Variants in MYG1 observed in about 807,000 individuals in gnomAD.
MYG1 encodes the protein MYG1 exonuclease.
Under a neutral mutation model 43.5 loss-of-function variants are expected in MYG1, and 36 were observed. The observed-to-expected ratio is 0.83, with a 90% CI of 0.63 to 1.09. MYG1 has a LOEUF of 1.09. MYG1 is among the 50% of genes least tolerant of loss of function. MYG1 has a pLI of 0.00. For missense variants in MYG1, 529 were observed against 495.1 expected (o/e 1.07, Z -0.65); for synonymous variants, 220 against 202.8 (o/e 1.08, Z -0.72).
chr12:53,304,861 G>GTTTTTTTTT (rs71068106), intron 3 of MYG1, among the ~76,000 whole-genome samples: 1 of 78,224 alleles, frequency 1.3e-5, no homozygotes, highest in Non-Finnish European at 2.5e-5. Context: ...CTAAACCCAT[G>GTTTTTTTTT]TTTTTTTTTT....
In MYG1 at chr12:53,307,166, A is replaced by C. The variant is rs371982393; in HGVS notation, c.*17A>C. On this transcript the variant is annotated 3_prime_UTR_variant, in exon 7 of 7. Transcript: ENST00000267103. ...ATCTCCTAGTCTAATAAAACCTTCC[A>C]TCTCATACTGACCCAGTCCTTGACT... 26 of 1,592,436 alleles carry C rather than the reference A, an allele frequency of 1.6e-5. No individual in the cohort carries two copies. In the East Asian group the frequency reaches 5.8e-4, roughly 36 times the overall value.
intron 5 of MYG1, 95 bp from the exon 6 acceptor site, chr12:53,306,585 C>T (rs1944284894): frequency 1.5e-6 from 2 of 1,343,146 alleles, no homozygotes; most frequent in African/African-American, 1.5e-5. Flanking sequence ...CTCAACTGAT[C>T]CTCCCACCTC....
chr12:53,306,374 C>G lies in MYG1; in HGVS notation c.765+54C>G, dbSNP rs1944280907. The G allele has an allele frequency of 2.5e-6, 4 of 1,604,598 alleles. No individual in the cohort carries two copies. In the Admixed American group the frequency reaches 6.7e-5, roughly 27 times the overall value. Reference sequence around the variant, plus strand: ...TTGAGGATTACTGACTGCCAATCAACAGGAACTCCTGCTTCTTCTACCCTA... The same window carrying G: ...TTGAGGATTACTGACTGCCAATCAAGAGGAACTCCTGCTTCTTCTACCCTA... On this transcript the variant is annotated intron_variant, in intron 5 of 6. Transcript: ENST00000267103.
intron 2 of MYG1, among the ~76,000 whole-genome samples, chr12:53,300,623 G>T (rs1476776097): frequency 6.6e-6 from 1 of 152,244 alleles, no homozygotes; most frequent in Non-Finnish European, 1.5e-5. Flanking sequence ...GATTGTGGCA[G>T]TTGGTGACAG....
Position 53,299,737 on chromosome 12 carries a change from T to C in MYG1, c.-1T>C, listed in dbSNP as rs748749284. 1.5e-5 allele frequency: 24 copies of C among 1,611,834 alleles called. No homozygotes were observed. Among genetic ancestry groups the C allele is most frequent in the Non-Finnish European group, 2.0e-5 (24 of 1,179,166 alleles). The stretch of plus-strand genomic sequence containing the variant: ...TCCTGCCTCCCTGCAGGGAGCTGCT[T>C]ATGGGACACCAATTCCTGCGCGGCC... On this transcript the variant is annotated 5_prime_UTR_variant, in exon 1 of 7. Coordinates refer to ENST00000267103, the MANE Select transcript of MYG1 (RefSeq NM_021640.4).
chr12:53,302,967 T>C (rs957087398), intron 2 of MYG1, 67 bp from the exon 3 acceptor site: 6 of 1,454,528 alleles, frequency 4.1e-6, no homozygotes, highest in East Asian at 4.8e-5. Flanking sequence ...GAGTTAACCA[T>C]TGAATGAATG....
chr12:53,300,897 C>T (rs1469897385), intron 2 of MYG1, among the ~76,000 whole-genome samples: 1 of 151,558 alleles, frequency 6.6e-6, no homozygotes, highest in Non-Finnish European at 1.5e-5. Flanking sequence ...CTATTACTTT[C>T]TTCTCTGGGA....
chr12:53,303,064 C>G lies in MYG1; in HGVS notation c.360C>G (p.Ser120=). 6.2e-7 allele frequency: 1 copy of G among 1,613,628 alleles called. No homozygotes were observed. The highest frequency in any genetic ancestry group is 8.5e-7 in the Non-Finnish European group (1 of 1,179,754). The change falls in exon 3 of 7, where the codon TCC becomes TCG. Residue 120 remains serine (S), a synonymous_variant. Coordinates refer to ENST00000267103, the MANE Select transcript of MYG1 (RefSeq NM_021640.4). The stretch of plus-strand genomic sequence containing the variant: ...TCACAGAGACCATGAGCTCCCTGTC[C>G]CCTGGGAAGCCGTGGCAGACCAAGC... ...RSFTETMSSL[S]PGKPWQTKLS...
At chr12:53,302,386 C>T (rs1292760196) in intron 2 of MYG1, among the ~76,000 whole-genome samples, 1 of 152,228 alleles carries the variant, frequency 6.6e-6, no homozygotes, top group African/African-American at 2.4e-5. Context: ...TTCTGCTTCC[C>T]TAACATCTGT....
chr12:53,306,659 G>C (rs1000588670), intron 5 of MYG1, 21 bp from the exon 6 acceptor site: 1 of 1,604,898 alleles, frequency 6.2e-7, no homozygotes, highest in Non-Finnish European at 8.5e-7. Context: ...AAACCTTCTA[G>C]CTATGCTCTC....
In MYG1 at chr12:53,306,649, A is replaced by G; in HGVS notation, c.766-31A>G. The G allele has an allele frequency of 1.9e-6, 3 of 1,596,454 alleles. No homozygotes were observed. In the South Asian group the frequency reaches 3.4e-5, roughly 18 times the overall value. Reference sequence around the variant, plus strand: ...ATGATCACCATGCCCAGCCTACCTTAAACCTTCTAGCTATGCTCTCCCTCT... The same window carrying G: ...ATGATCACCATGCCCAGCCTACCTTGAACCTTCTAGCTATGCTCTCCCTCT... On this transcript the variant is annotated intron_variant, in intron 5 of 6. Coordinates refer to ENST00000267103, the MANE Select transcript of MYG1 (RefSeq NM_021640.4).
In MYG1 at chr12:53,299,933, C is replaced by A. The variant is rs770759149; in HGVS notation, c.196C>A (p.Arg66Ser). The change falls in exon 1 of 7, where the codon CGC becomes AGC. Residue 66 changes from arginine (R) to serine (S), a missense_variant. By Grantham distance (110) the Arg-to-Ser change is moderately radical. Transcript: ENST00000267103. ...CGAGGCACTGGCATGCGCACTGCTT[C>A]GCCTCCTGCCGGAGTACCGGGTACG... is the stretch of plus-strand genomic sequence containing the variant. ...CDEALACALLRLLPEYRDAEI... is the reference protein window; with the variant it reads ...CDEALACALLSLLPEYRDAEI... 6.2e-7 allele frequency: 1 copy of A among 1,614,224 alleles called. No homozygotes were observed. Among genetic ancestry groups the A allele is most frequent in the Non-Finnish European group, 8.5e-7 (1 of 1,180,036 alleles).
At position 53,306,027 on chromosome 12, in the gene MYG1, TC is replaced by T; in HGVS notation, c.611del (p.Pro204LeufsTer29). Reference protein sequence around the residue: ...TLSARVARLNPTWNHPDQDTE... With the variant: ...TLSARVARLNXTWNHPDQDTE... ...TGAGTGCACGAGTTGCTCGACTTAA[TC>T]CTACCTGGAACCACCCCGACCAAGA... On this transcript the variant is annotated frameshift_variant, in exon 4 of 7. Transcript: ENST00000267103. LOFTEE classifies it high-confidence loss of function. 1 of 1,613,914 alleles carries T rather than the reference TC, an allele frequency of 6.2e-7. No individual in the cohort carries two copies. Among genetic ancestry groups the T allele is most frequent in the Non-Finnish European group, 8.5e-7 (1 of 1,179,910 alleles).
At position 53,306,001 on chromosome 12, in the gene MYG1, C is replaced by G; in HGVS notation, c.583C>G (p.Leu195Val). Residue 195 changes from leucine (L) to valine (V), a missense_variant, in exon 4 of 7, where the codon CTG (leucine) becomes GTG (valine). Coordinates refer to ENST00000267103, the MANE Select transcript of MYG1 (RefSeq NM_021640.4). ...GCCTCGATATGCACTGACCACTACC[C>G]TGAGTGCACGAGTTGCTCGACTTAA... ...GEPRYALTTT[L>V]SARVARLNPT... The G allele has an allele frequency of 6.2e-7, 1 of 1,614,144 alleles. No homozygotes were observed. The highest frequency in any genetic ancestry group is 8.5e-7 in the Non-Finnish European group (1 of 1,180,010).
chr12:53,305,276 G>A (rs945768472), intron 3 of MYG1, among the ~76,000 whole-genome samples: 3 of 152,114 alleles, frequency 2.0e-5, no homozygotes, highest in Non-Finnish European at 4.4e-5. Flanking sequence ...ACATACCACA[G>A]GTGTACTGTT....
At chr12:53,305,360 TTA>T (rs1211740817) in intron 3 of MYG1, among the ~76,000 whole-genome samples, 1 of 152,152 alleles carries the variant, frequency 6.6e-6, no homozygotes, top group African/African-American at 2.4e-5. Flanking sequence ...ATCCTACCAT[TTA>T]TTCAGACCCA....
chr12:53,299,833 GCC>G lies in MYG1; in HGVS notation c.100_101del (p.Pro34LysfsTer55). The G allele has an allele frequency of 6.2e-7, 1 of 1,614,092 alleles. No homozygotes were observed. The highest frequency in any genetic ancestry group is 1.3e-5 in the African/African-American group (1 of 75,010). On this transcript the variant is annotated frameshift_variant, in exon 1 of 7. Transcript: ENST00000267103. LOFTEE classifies it high-confidence loss of function. Reference sequence around the variant, plus strand: ...GCATGCTCGGTCCAGAGTCCGTCCCGCCCCCAAAACGATCCCGCAGCAAACTC... The same window carrying G: ...GCATGCTCGGTCCAGAGTCCGTCCCGCCCAAAACGATCCCGCAGCAAACTC... ...HRMLGPESVP[P>X]PKRSRSKLMA...
intron 3 of MYG1, chr12:53,303,776 A>C (rs781289295): frequency 2.0e-5 from 3 of 152,344 alleles, no homozygotes; most frequent in Non-Finnish European, 4.4e-5. Flanking sequence ...ACTTGTTTAC[A>C]AGTCAAAGCC....
In MYG1 at chr12:53,299,784, C is replaced by T. The variant is rs752450033; in HGVS notation, c.47C>T (p.Pro16Leu). The change falls in exon 1 of 7, where the codon CCG (proline) becomes CTG (leucine). Residue 16 changes from proline to leucine, a missense_variant. Transcript: ENST00000267103. ...GGCCTCTTAACGCTGCTGCTGCCGC[C>T]GCCACCCCTGTATACCCGGCACCGC... ...LRGLLTLLLP[P>L]PPLYTRHRML... The T allele has an allele frequency of 1.2e-6, 2 of 1,614,010 alleles. No individual in the cohort carries two copies. Among genetic ancestry groups the T allele is most frequent in the East Asian group, 2.2e-5 (1 of 44,860 alleles).
Sources: allele counts gnomAD v4.1 joint callset (sites outside exome capture counted in the v4.1 genomes callset), GRCh38; gene constraint gnomAD v4.1.1; transcripts MANE v1.5; gene names NCBI Gene and HGNC (gene_info 2026-07-23, HGNC 2026-07-21).